Variants in NUP37 observed in about 807,000 individuals in gnomAD.
NUP37 encodes the protein nucleoporin Nup37.
A neutral mutation model predicts 45.4 loss-of-function variants in NUP37; 33 were observed. That is an observed-to-expected ratio of 0.73 (90% confidence interval 0.55 to 0.97). The LOEUF is 0.97. NUP37 is among the 50% of genes least tolerant of loss of function. The probability of loss-of-function intolerance (pLI) is 0.00; values close to 1 mark genes in which losing one functional copy is unlikely to be tolerated. For synonymous variants in NUP37, 127 were observed against 130.7 expected, an observed-to-expected ratio of 0.97 and a Z score of 0.19; for missense variants, 365 against 389.7, an observed-to-expected ratio of 0.94 and a Z score of 0.53.
chr12:102,104,277 G>A (rs1880059386), intron 3 of NUP37, among the ~76,000 whole-genome samples: 1 of 152,068 alleles, frequency 6.6e-6, no homozygotes, highest in African/African-American at 2.4e-5. Flanking sequence ...TTGGAGAAAT[G>A]TTCATTTAAG....
chr12:102,113,024 C>T (rs2888609), intron 2 of NUP37, among the ~76,000 whole-genome samples: 60,628 of 152,016 alleles, frequency 0.4, 12,556 homozygotes, highest in African/African-American at 0.51. Flanking sequence ...TTTATCCTCA[C>T]GGGAAGGTGA....
intron 5 of NUP37, among the ~76,000 whole-genome samples, chr12:102,096,338 T>C (rs1348200901): frequency 6.6e-6 from 1 of 152,172 alleles, no homozygotes; most frequent in Non-Finnish European, 1.5e-5. Flanking sequence ...TCTTCCATAA[T>C]AACATTTTGT....
chr12:102,119,700 T>C (rs1432759861), intron 1 of NUP37, among the ~76,000 whole-genome samples: 1 of 152,008 alleles, frequency 6.6e-6, no homozygotes, highest in African/African-American at 2.4e-5. Context: ...GACCAGCAAG[T>C]GTTATGGACA....
chr12:102,113,131 T>C (rs550226504), intron 2 of NUP37, among the ~76,000 whole-genome samples: 3 of 152,110 alleles, frequency 2.0e-5, no homozygotes, highest in Non-Finnish European at 4.4e-5. Context: ...AAAATTCAAA[T>C]ACAGACAAGC....
chr12:102,084,373 C>T (rs746905939), intron 6 of NUP37, among the ~76,000 whole-genome samples: 3 of 152,122 alleles, frequency 2.0e-5, no homozygotes, highest in African/African-American at 4.8e-5. Context: ...ATGGCCGGTA[C>T]GGTGGCTCAC....
Position 102,099,175 on chromosome 12 carries a change from A to G in NUP37, c.380T>C (p.Ile127Thr), listed in dbSNP as rs755119076. 6.2e-7 allele frequency: 1 copy of G among 1,613,562 alleles called. No individual in the cohort carries two copies. Among genetic ancestry groups the G allele is most frequent in the Non-Finnish European group, 8.5e-7 (1 of 1,179,470 alleles). Residue 127 changes from isoleucine (I) to threonine (T), a missense_variant, in exon 5 of 10, where the codon ATT (isoleucine) becomes ACT (threonine). Physicochemically the swap from Ile to Thr is moderately conservative, Grantham distance 89. Transcript: ENST00000552283. ...YKVLEGHTDF[I>T]NGLVFDPKEG... ...TTTGGGATCAAACACCAAACCATTA[A>G]TGAAATCGGTATGGCCCTCTAAAAC...
rs181015488 is a variant in NUP37 at position 102,110,222 on chromosome 12, G to A, written c.281+1886C>T. Among the ~76,000 whole-genome samples, 379 of 152,250 alleles carry A rather than the reference G, an allele frequency of 2.5e-3. 3 individuals carry two copies. The highest frequency in any genetic ancestry group is 8.9e-3 in the African/African-American group (368 of 41,548). ...ATGGCTAAAATTAAAAAGACAGGCT[G>A]GGCACAGTGGCTCATGCCTGTAATC... On this transcript the variant is annotated intron_variant, in intron 3 of 9. Transcript: ENST00000552283.
At chr12:102,091,400 A>C (rs1424591255) in intron 5 of NUP37, among the ~76,000 whole-genome samples, 1 of 67,320 alleles carries the variant, frequency 1.5e-5, no homozygotes, top group African/African-American at 6.4e-5. Flanking sequence ...ACTCCGTCTC[A>C]AAAAAAAAAA....
intron 2 of NUP37, among the ~76,000 whole-genome samples, chr12:102,113,752 C>T (rs56228030): frequency 0.019 from 2,922 of 152,186 alleles, 39 homozygotes; most frequent in Middle Eastern, 0.051. Context: ...TAATGAAATA[C>T]GTATGTCTAT....
At chr12:102,081,147 G>A (rs1879319752) in intron 6 of NUP37, among the ~76,000 whole-genome samples, 1 of 152,172 alleles carries the variant, frequency 6.6e-6, no homozygotes, top group Admixed American at 6.5e-5. Context: ...AGGACTATTG[G>A]GAGAATGGTA....
chr12:102,083,950 G>A (rs1441644879), intron 6 of NUP37, among the ~76,000 whole-genome samples: 1 of 152,156 alleles, frequency 6.6e-6, no homozygotes, highest in Non-Finnish European at 1.5e-5. Flanking sequence ...ACCAAGGGAT[G>A]GGAAAAGACG....
At chr12:102,092,371 G>T (rs1433730869) in intron 5 of NUP37, among the ~76,000 whole-genome samples, 1 of 152,128 alleles carries the variant, frequency 6.6e-6, no homozygotes, top group African/African-American at 2.4e-5. Flanking sequence ...AGAAAGAAAA[G>T]AACAAAGTAA....
chr12:102,076,289 C>A (rs552638125), intron 8 of NUP37, among the ~76,000 whole-genome samples: 14 of 152,220 alleles, frequency 9.2e-5, no homozygotes, highest in African/African-American at 3.1e-4. Flanking sequence ...GTTTTAGTCT[C>A]TTATTTGGTT....
chr12:102,077,060 T>C lies in NUP37; in HGVS notation c.723-213A>G, dbSNP rs1438874314. On this transcript the variant is annotated intron_variant, in intron 7 of 9. Transcript: ENST00000552283. ...GAACCATCATGCAACAGGGTCAGTG[T>C]TTTTCTTATTTTCCAATATAAGTCA... 1.3e-5 allele frequency: 8 copies of C among 607,252 alleles called. No homozygotes were observed. The African/African-American group carries it at 1.5e-4, about 11-fold the overall frequency. 37.6% of individuals were successfully genotyped at this position (607,252 alleles called of 1,614,324 possible).
intron 4 of NUP37, among the ~76,000 whole-genome samples, chr12:102,100,442 T>C (rs1014291785): frequency 6.6e-6 from 1 of 152,264 alleles, no homozygotes; most frequent in Non-Finnish European, 1.5e-5. Flanking sequence ...GCGTTTACTA[T>C]GTATCAACAT....
chr12:102,074,597 C>G, intron 9 of NUP37, 130 bp from the exon 10 acceptor site: 1 of 607,980 alleles, frequency 1.6e-6, no homozygotes, highest in Admixed American at 3.1e-5. Flanking sequence ...AAAATATGCT[C>G]CCTTACAGGT....
At chr12:102,088,603 C>T (rs990291638) in intron 5 of NUP37, among the ~76,000 whole-genome samples, 13 of 151,250 alleles carry the variant, frequency 8.6e-5, no homozygotes, top group Admixed American at 7.2e-4. Flanking sequence ...TCATATGTTA[C>T]GTATTTTCTT....
chr12:102,082,728 T>C (rs1879363915), intron 6 of NUP37, among the ~76,000 whole-genome samples: 1 of 152,130 alleles, frequency 6.6e-6, no homozygotes, highest in African/African-American at 2.4e-5. Context: ...AGTGATAGGA[T>C]GAAACTGATA....
intron 5 of NUP37, among the ~76,000 whole-genome samples, chr12:102,095,436 T>C (rs1879775735): frequency 1.3e-5 from 2 of 152,064 alleles, no homozygotes; most frequent in African/African-American, 4.8e-5. Context: ...TGTGTGCATA[T>C]ATTTTTATAT....
Sources: gnomAD v4.1 joint callset for allele counts (sites outside exome capture counted in the v4.1 genomes callset) on GRCh38, gnomAD v4.1.1 for gene constraint, MANE v1.5 for transcripts, NCBI Gene and HGNC (gene_info 2026-07-23, HGNC 2026-07-21) for gene names.